Variants in GRAMD1B observed in about 807,000 individuals in gnomAD.
GRAMD1B encodes GRAM domain containing 1B.
In GRAMD1B, 37 loss-of-function variants were observed where a neutral mutation model predicts 99.7. That is an observed-to-expected ratio of 0.37 (90% CI 0.29 to 0.49). The LOEUF (loss-of-function observed/expected upper bound fraction) is 0.49. Ranked by LOEUF, GRAMD1B falls within the 20% of genes least tolerant of loss-of-function variation. The probability of loss-of-function intolerance (pLI) is 0.98; values close to 1 mark genes in which losing one functional copy is unlikely to be tolerated. For synonymous variants in GRAMD1B, 427 were observed against 387.6 expected, an observed-to-expected ratio of 1.10 and a Z score of -1.19; for missense variants, 888 against 1,009.2, an observed-to-expected ratio of 0.88 and a Z score of 1.63.
intron 2 of GRAMD1B, chr11:123,526,089 C>A: frequency 2.1e-6 from 3 of 1,455,570 alleles, no homozygotes; most frequent in African/African-American, 1.4e-5. Flanking sequence ...TGTCCTGGGA[C>A]CTCCGGAGCT....
intron 1 of GRAMD1B, chr11:123,381,377 A>G (rs1375707879): frequency 2.6e-5 from 4 of 154,306 alleles, no homozygotes; most frequent in Admixed American, 6.5e-5. Flanking sequence ...CTATTGCGTC[A>G]TGAGACAAGT....
intron 2 of GRAMD1B, among the ~76,000 whole-genome samples, chr11:123,544,333 C>T (rs1944846828): frequency 1.3e-5 from 2 of 152,226 alleles, no homozygotes; most frequent in African/African-American, 2.4e-5. Context: ...TGAACCCAGT[C>T]TGCAGAATAA....
intron 1 of GRAMD1B, among the ~76,000 whole-genome samples, chr11:123,422,667 T>C (rs1948490371): frequency 6.6e-6 from 1 of 152,224 alleles, no homozygotes; most frequent in Admixed American, 6.5e-5. Context: ...TTTCTACACT[T>C]GACCTCAGCC....
intron 1 of GRAMD1B, among the ~76,000 whole-genome samples, chr11:123,414,477 G>A (rs565500244): frequency 6.6e-6 from 1 of 152,276 alleles, no homozygotes; most frequent in East Asian, 1.9e-4. Context: ...TTCTGTGATA[G>A]TACCAGTATT....
At chr11:123,407,454 G>C (rs773750512) in intron 1 of GRAMD1B, among the ~76,000 whole-genome samples, 9 of 152,188 alleles carry the variant, frequency 5.9e-5, no homozygotes, top group Non-Finnish European at 8.8e-5. Context: ...GGACTCTCTT[G>C]TTTGGATCAG....
intron 1 of GRAMD1B, among the ~76,000 whole-genome samples, chr11:123,369,729 G>T (rs1946456625): frequency 6.6e-6 from 1 of 151,564 alleles, no homozygotes; most frequent in South Asian, 2.1e-4. Context: ...AAAATTAGCT[G>T]GGTGTGCTGG....
Position 123,603,417 on chromosome 11 carries a change from C to T in GRAMD1B, c.1051-9C>T, listed in dbSNP as rs373017446. 5.2e-6 allele frequency: 8 copies of T among 1,547,160 alleles called. No homozygotes were observed. The highest frequency in any genetic ancestry group is 7.1e-6 in the Non-Finnish European group (8 of 1,119,170). ...AGCAAGGCTCAGTCGTTCCTTTTCT[C>T]CCCTGAAGCCTCTGTGTCCCAAGGA... On this transcript the variant is annotated splice_polypyrimidine_tract_variant and intron_variant, in intron 8 of 19. Coordinates refer to ENST00000635736, the MANE Select transcript of GRAMD1B (RefSeq NM_001387025.1).
chr11:123,506,131 G>A (rs115124091), intron 2 of GRAMD1B, among the ~76,000 whole-genome samples: 2,145 of 152,310 alleles, frequency 0.014, 41 homozygotes, highest in African/African-American at 0.049. Flanking sequence ...AAACATGGGC[G>A]CAGCACTGCC....
intron 1 of GRAMD1B, among the ~76,000 whole-genome samples, chr11:123,361,284 G>C (rs754473539): frequency 6.6e-6 from 1 of 152,158 alleles, no homozygotes; most frequent in African/African-American, 2.4e-5. Flanking sequence ...ACCAGCCCTA[G>C]GTCTGCAGCT....
chr11:123,506,257 G>A (rs1468777629), intron 2 of GRAMD1B, among the ~76,000 whole-genome samples: 2 of 152,162 alleles, frequency 1.3e-5, no homozygotes, highest in Non-Finnish European at 2.9e-5. Flanking sequence ...AGCTGCCATG[G>A]AGGCTCTTCC....
chr11:123,422,685 C>T (rs892208182), intron 1 of GRAMD1B, among the ~76,000 whole-genome samples: 20 of 152,170 alleles, frequency 1.3e-4, no homozygotes, highest in Non-Finnish European at 2.4e-4. Flanking sequence ...GCCAAAAGGC[C>T]GAGAAGCGAT....
At chr11:123,464,419 A>G (rs1591608439) in intron 1 of GRAMD1B, among the ~76,000 whole-genome samples, 1 of 152,306 alleles carries the variant, frequency 6.6e-6, no homozygotes, top group East Asian at 1.9e-4. Flanking sequence ...CCCAATGCCA[A>G]TTTCACCGAT....
Position 123,609,928 on chromosome 11 carries a change from G to C in GRAMD1B, c.1776+15G>C. ...GGGAGACACAGGTGAGCAGAGCCGC[G>C]GATGCACAGAAGAGCGAGCTGGAAA... is the stretch of plus-strand genomic sequence containing the variant. On this transcript the variant is annotated intron_variant, in intron 13 of 19. Transcript: ENST00000635736. The C allele has an allele frequency of 7.3e-7, 1 of 1,373,012 alleles. No homozygotes were observed. Among genetic ancestry groups the C allele is most frequent in the Admixed American group, 1.9e-5 (1 of 52,992 alleles). 85.1% of individuals were successfully genotyped at this position (1,373,012 alleles called of 1,614,324 possible). A position where few individuals can be genotyped will look rare whatever the true frequency, so the allele number is the denominator to read the frequency against.
chr11:123,567,871 A>G (rs1040957849), intron 2 of GRAMD1B, among the ~76,000 whole-genome samples: 4 of 152,334 alleles, frequency 2.6e-5, no homozygotes, highest in African/African-American at 7.2e-5. Flanking sequence ...CTGAAGTGCT[A>G]CTTTTCTCTA....
At chr11:123,440,591 C>G (rs186553652) in intron 1 of GRAMD1B, among the ~76,000 whole-genome samples, 35 of 152,256 alleles carry the variant, frequency 2.3e-4, no homozygotes, top group Non-Finnish European at 4.7e-4. Flanking sequence ...AAAAGGAAAA[C>G]ATAATTTTAT....
chr11:123,385,285 T>C (rs1009648437), intron 1 of GRAMD1B, among the ~76,000 whole-genome samples: 6 of 152,206 alleles, frequency 3.9e-5, no homozygotes, highest in Non-Finnish European at 5.9e-5. Context: ...CTTGCTGAGC[T>C]CAAGCTCTCC....
Position 123,418,199 on chromosome 11 carries a change from C to G in GRAMD1B, c.-176+59400C>G, listed in dbSNP as rs1591478618. Among the ~76,000 whole-genome samples, 7 of 152,268 alleles carry G rather than the reference C, an allele frequency of 4.6e-5. No homozygotes were observed. The South Asian group carries it at 1.5e-3, about 32-fold the overall frequency. On this transcript the variant is annotated intron_variant, in intron 1 of 20. Coordinates refer to the GRAMD1B transcript ENST00000638157. ...ATGTCAGCCTTCTAATCAGGACTTGCAGACATCCTTCAAACGGAAAACCGT... is the reference window on the plus strand; with the variant it reads ...ATGTCAGCCTTCTAATCAGGACTTGGAGACATCCTTCAAACGGAAAACCGT...
At chr11:123,380,584 G>A (rs1298493494) in intron 1 of GRAMD1B, among the ~76,000 whole-genome samples, 1 of 152,190 alleles carries the variant, frequency 6.6e-6, no homozygotes, top group Non-Finnish European at 1.5e-5. Flanking sequence ...CTGCAAATAT[G>A]GGTGATAGAC....
intron 2 of GRAMD1B, among the ~76,000 whole-genome samples, chr11:123,481,934 T>C (rs929032172): frequency 6.6e-6 from 1 of 152,110 alleles, no homozygotes. Flanking sequence ...CAGAAGGTAC[T>C]TTTACCACAT....
Sources: gnomAD v4.1 joint callset for allele counts (sites outside exome capture counted in the v4.1 genomes callset) on GRCh38, gnomAD v4.1.1 for gene constraint, MANE v1.5 for transcripts, NCBI Gene and HGNC (gene_info 2026-07-23, HGNC 2026-07-21) for gene names.